The following LSS variants were observed in gnomAD, a reference collection of about 807,000 sequenced individuals.
LSS encodes lanosterol synthase.
Under a neutral mutation model 110.3 loss-of-function variants are expected in LSS, and 90 were observed. That is an observed-to-expected ratio of 0.82 (90% CI 0.69 to 0.97). LSS has a LOEUF of 0.97. Ranked by LOEUF, LSS falls within the 50% of genes least tolerant of loss-of-function variation. The probability of loss-of-function intolerance (pLI) is 0.00; values close to 1 mark genes in which losing one functional copy is unlikely to be tolerated. For synonymous variants in LSS, 433 were observed against 400.0 expected, an observed-to-expected ratio of 1.08 and a Z score of -0.98; for missense variants, 927 against 990.0, an observed-to-expected ratio of 0.94 and a Z score of 0.85.
In LSS at chr21:46,192,481, T is replaced by C. The variant is rs551923978; in HGVS notation, c.1989-522A>G. Reference sequence around the variant, plus strand: ...ATTCCCCAAATGGCCACAAACCTAATAGGGCAGCACAGACGGGATGTTGCG... The same window carrying C: ...ATTCCCCAAATGGCCACAAACCTAACAGGGCAGCACAGACGGGATGTTGCG... On this transcript the variant is annotated intron_variant, in intron 20 of 21. Transcript: ENST00000397728. The C allele has an allele frequency of 6.0e-4, 274 of 455,212 alleles. 5 individuals carry two copies. The highest frequency in any genetic ancestry group is 3.7e-3 in the South Asian group (241 of 64,490). 28.2% of individuals were successfully genotyped at this position (455,212 alleles called of 1,614,324 possible).
intron 4 of LSS, chr21:46,222,410 T>A: frequency 5.2e-6 from 3 of 577,448 alleles, no homozygotes; most frequent in East Asian, 5.8e-5. Context: ...AAGAGTGTCC[T>A]AACAGCCACA....
rs1452545022 is a variant in LSS at position 46,215,803 on chromosome 21, G to A, written c.784-10C>T. The A allele has an allele frequency of 6.3e-7, 1 of 1,579,536 alleles. No individual in the cohort carries two copies. Among genetic ancestry groups the A allele is most frequent in the East Asian group, 2.2e-5 (1 of 44,536 alleles). On this transcript the variant is annotated splice_polypyrimidine_tract_variant and intron_variant, in intron 7 of 21. Transcript: ENST00000397728. ...CCTCCACATAGAGCTCCTGGTGGGG[G>A]CAGTGTCTGAGCCTTGGGGCCTGGG...
Position 46,213,846 on chromosome 21 carries a change from G to C in LSS, c.1012-11C>G. The C allele has an allele frequency of 6.2e-7, 1 of 1,605,276 alleles. No individual in the cohort carries two copies. The highest frequency in any genetic ancestry group is 8.5e-7 in the Non-Finnish European group (1 of 1,172,792). ...GATGGTTTTCGAGATCTGCAGGAGA[G>C]ACAGCCCTGTCAAGGCTCCGCTCCA... On this transcript the variant is annotated splice_polypyrimidine_tract_variant and intron_variant, in intron 9 of 21. Coordinates refer to ENST00000397728, the MANE Select transcript of LSS (RefSeq NM_002340.6).
chr21:46,196,111 CATACAAGCCAACATTT>C, intron 18 of LSS, 75 bp downstream of exon 18: 1 of 1,305,912 alleles, frequency 7.7e-7, no homozygotes, highest in Non-Finnish European at 1.1e-6. Flanking sequence ...GTAGCAACAA[CATACAAGCCAACATTT>C]ATGAACGCAG....
intron 20 of LSS, 81 bp from the exon 21 acceptor site, chr21:46,192,040 G>C: frequency 9.3e-7 from 1 of 1,072,978 alleles, no homozygotes; most frequent in Non-Finnish European, 1.4e-6. Context: ...CCGAGCATAA[G>C]GGCAAACCCT....
Position 46,216,499 on chromosome 21 carries a change from G to A in LSS, c.673C>T (p.His225Tyr), listed in dbSNP as rs759722856. The change falls in exon 7 of 22, where the codon CAC (histidine) becomes TAC (tyrosine). Residue 225 changes from histidine (H) to tyrosine (Y), a missense_variant. Physicochemically the swap from His to Tyr is moderately conservative, Grantham distance 83 (BLOSUM62 2). Coordinates refer to ENST00000397728, the MANE Select transcript of LSS (RefSeq NM_002340.6). This position sits in a 1 kb window ranked among gnomAD's most constrained non-coding sequence, Gnocchi z 4.2. ...MWLFPDWAPAHPSTLWCHCRQ... is the reference protein window; with the variant it reads ...MWLFPDWAPAYPSTLWCHCRQ... The stretch of plus-strand genomic sequence containing the variant: ...CAGTGGCACCAGAGTGTGGAGGGGT[G>A]TGCCGGTGCCCAGTCAGGAAACAGC... The A allele has an allele frequency of 1.2e-6, 2 of 1,608,956 alleles. No individual in the cohort carries two copies. Among genetic ancestry groups the A allele is most frequent in the East Asian group, 2.2e-5 (1 of 44,716 alleles).
chr21:46,192,498 G>A (rs897319099), intron 20 of LSS: 24 of 455,662 alleles, frequency 5.3e-5, no homozygotes, highest in Admixed American at 4.7e-4. Context: ...GCACAGACGG[G>A]ATGTTGCGGG....
chr21:46,210,598 G>A lies in LSS; in HGVS notation c.1194+90C>T, dbSNP rs1440522278. 3.9e-6 allele frequency: 5 copies of A among 1,266,880 alleles called. No homozygotes were observed. In the African/African-American group the frequency reaches 5.9e-5, roughly 15 times the overall value. 78.5% of individuals were successfully genotyped at this position (1,266,880 alleles called of 1,614,324 possible). On this transcript the variant is annotated intron_variant, in intron 12 of 21. Coordinates refer to ENST00000397728, the MANE Select transcript of LSS (RefSeq NM_002340.6). ...GGAAGTATCGAGGAGTGGCAAGTGT[G>A]TGGCCAGCAGTGCTGCCCTCAGGTG...
chr21:46,209,462 G>A lies in LSS; in HGVS notation c.1266+92C>T. On this transcript the variant is annotated intron_variant, in intron 13 of 21. Transcript: ENST00000397728. This position sits in a 1 kb window ranked among gnomAD's most constrained non-coding sequence, Gnocchi z 4.4. ...AAACACCAGTGCAGGAAATAGGGCAGGGTGGAGGTGAGGTGGGCACTTCTG... is the reference window on the plus strand; with the variant it reads ...AAACACCAGTGCAGGAAATAGGGCAAGGTGGAGGTGAGGTGGGCACTTCTG... 8.6e-7 allele frequency: 1 copy of A among 1,158,154 alleles called. No homozygotes were observed. Among genetic ancestry groups the A allele is most frequent in the Non-Finnish European group, 1.2e-6 (1 of 811,554 alleles). The allele number at this position is 1,158,154 out of a possible 1,614,324, so 71.7% of individuals were successfully genotyped here.
At chr21:46,213,996 C>T (rs559644559) in intron 9 of LSS, among the ~76,000 whole-genome samples, 161 bp from the exon 10 acceptor site, 3 of 152,362 alleles carry the variant, frequency 2.0e-5, no homozygotes, top group South Asian at 2.1e-4. Flanking sequence ...ATTTCCTGAG[C>T]GAGGATGGGC....
intron 10 of LSS, among the ~76,000 whole-genome samples, chr21:46,213,409 AG>A (rs2123737314): frequency 6.6e-6 from 1 of 152,270 alleles, no homozygotes; most frequent in South Asian, 2.1e-4. Context: ...CCTCCATGAC[AG>A]GGGCCCCACC....
chr21:46,202,920 A>G (rs575562547), intron 17 of LSS, among the ~76,000 whole-genome samples: 1 of 152,332 alleles, frequency 6.6e-6, no homozygotes, highest in East Asian at 1.9e-4. Context: ...GGAAGTCACC[A>G]AAGAAATGCA....
intron 17 of LSS, among the ~76,000 whole-genome samples, chr21:46,199,832 G>A (rs1053630159): frequency 6.6e-6 from 1 of 152,186 alleles, no homozygotes; most frequent in African/African-American, 2.4e-5. Flanking sequence ...AGGACTCCGG[G>A]GCAGTGAGAT....
chr21:46,210,414 A>T (rs1239552604), intron 12 of LSS, among the ~76,000 whole-genome samples: 8 of 151,676 alleles, frequency 5.3e-5, no homozygotes. Context: ...TCCTGCCTGC[A>T]CTCTCAGAAA....
chr21:46,225,286 T>A (rs2080323484), intron 3 of LSS: 10 of 396,136 alleles, frequency 2.5e-5, no homozygotes, highest in South Asian at 1.4e-4. Context: ...AAGACAAGAG[T>A]GAGAGCCTTC....
chr21:46,209,070 TGA>T lies in LSS; in HGVS notation c.1266+482_1266+483del, dbSNP rs2080092552. On this transcript the variant is annotated intron_variant, in intron 13 of 21. Transcript: ENST00000397728. This position sits in a 1 kb window ranked among gnomAD's most constrained non-coding sequence, Gnocchi z 4.4. ...CTGCAGACTGGGGTGCAGGCACGTG[TGA>T]GAGACACTGAGGTCAAACTATGGGC... 6.6e-6 allele frequency among the ~76,000 whole-genome samples: 1 copy of T among 152,046 alleles called. No homozygotes were observed. Among genetic ancestry groups the T allele is most frequent in the Admixed American group, 6.5e-5 (1 of 15,284 alleles).
At chr21:46,217,587 G>T (rs528484025) in intron 6 of LSS, among the ~76,000 whole-genome samples, 5 of 151,904 alleles carry the variant, frequency 3.3e-5, no homozygotes, top group African/African-American at 1.2e-4. Context: ...CCAGCATTTC[G>T]CAGCTGGAGT....
rs1325661868 is a variant in LSS, at chr21:46,188,797, G to A, written c.*2307C>T. 4.3e-6 allele frequency: 2 copies of A among 470,552 alleles called. No individual in the cohort carries two copies. The highest frequency in any genetic ancestry group is 2.3e-5 in the Admixed American group (1 of 42,576). 29.1% of individuals were successfully genotyped at this position (470,552 alleles called of 1,614,324 possible). A position where few individuals can be genotyped will look rare whatever the true frequency, so the allele number is the denominator to read the frequency against. On this transcript the variant is annotated 3_prime_UTR_variant, in exon 22 of 22. Coordinates refer to ENST00000397728, the MANE Select transcript of LSS (RefSeq NM_002340.6). The stretch of plus-strand genomic sequence containing the variant: ...ATAACACCGAAGAGGGCAGGGAATC[G>A]CTGCGTCCTGTGACTTGAAGGCCAC...
rs771335021 is a variant in LSS at position 46,205,990 on chromosome 21, C to G, written c.1565-49G>C. ...AGTGTTGGGTTTCACCCTGGCTGCC[C>G]AGGCTCTGCAGCTCAGGCAAAGCCA... On this transcript the variant is annotated intron_variant, in intron 16 of 21. Coordinates refer to ENST00000397728, the MANE Select transcript of LSS (RefSeq NM_002340.6). 7.3e-5 allele frequency: 100 copies of G among 1,378,996 alleles called. 1 individual carries two copies. In the South Asian group the frequency reaches 1.2e-3, roughly 16 times the overall value. 85.4% of individuals were successfully genotyped at this position (1,378,996 alleles called of 1,614,324 possible).
Sources: allele counts gnomAD v4.1 joint callset (sites outside exome capture counted in the v4.1 genomes callset), GRCh38; gene constraint gnomAD v4.1.1; non-coding constraint Gnocchi (gnomAD v3.1); transcripts MANE v1.5; gene names NCBI Gene and HGNC (gene_info 2026-07-23, HGNC 2026-07-21).